DACH1: variants seen among roughly 807,000 people sequenced by gnomAD.
The protein encoded by DACH1 is dachshund family transcription factor 1, also known as dachshund homolog 1.
Under a neutral mutation model 54.2 loss-of-function variants are expected in DACH1, and 12 were observed. That is an observed-to-expected ratio of 0.22 (90% confidence interval 0.14 to 0.36). The LOEUF (loss-of-function observed/expected upper bound fraction) is 0.36. Among genes scored for constraint, DACH1 ranks in the 10% least tolerant of loss-of-function variants. DACH1 has a pLI of 1.00. For missense variants in DACH1, 805 were observed against 929.8 expected, an observed-to-expected ratio of 0.87 and a Z score of 1.75; for synonymous variants, 386 against 366.2, an observed-to-expected ratio of 1.05 and a Z score of -0.62.
chr13:71,654,463 A>G (rs9599870), intron 2 of DACH1, among the ~76,000 whole-genome samples: 1,348 of 71,366 alleles, frequency 0.019, 14 homozygotes, highest in African/African-American at 0.027. Context: ...ATAAAGTAAA[A>G]TAAAATAAAA....
chr13:71,690,980 TA>T (rs1255184755), intron 1 of DACH1, among the ~76,000 whole-genome samples: 1 of 152,294 alleles, frequency 6.6e-6, no homozygotes, highest in African/African-American at 2.4e-5. Flanking sequence ...TAATCACAAA[TA>T]AAAATGTTTT....
At chr13:71,675,104 G>T in intron 2 of DACH1, 1 of 1,575,930 alleles carries the variant, frequency 6.3e-7, no homozygotes, top group South Asian at 1.1e-5. Context: ...TCGACCGGTG[G>T]TAAAGCACCC....
At chr13:71,674,526 G>C (rs1880426453) in intron 2 of DACH1, among the ~76,000 whole-genome samples, 1 of 151,098 alleles carries the variant, frequency 6.6e-6, no homozygotes, top group Non-Finnish European at 1.5e-5. Context: ...GAGCCAGGCA[G>C]CCACAAAACC....
At chr13:71,772,758 A>T (rs1885911925) in intron 1 of DACH1, among the ~76,000 whole-genome samples, 1 of 151,770 alleles carries the variant, frequency 6.6e-6, no homozygotes, top group South Asian at 2.1e-4. Context: ...GAAAATTATC[A>T]TTTGAAAGGT....
intron 1 of DACH1, among the ~76,000 whole-genome samples, chr13:71,713,848 A>G (rs1320506718): frequency 6.6e-6 from 1 of 152,092 alleles, no homozygotes; most frequent in African/African-American, 2.4e-5. Context: ...AATTCAGAAA[A>G]ATTAGACAAA....
At chr13:71,753,268 C>T (rs533938595) in intron 1 of DACH1, among the ~76,000 whole-genome samples, 1 of 152,164 alleles carries the variant, frequency 6.6e-6, no homozygotes, top group East Asian at 1.9e-4. Flanking sequence ...CAATATGGTA[C>T]CATTTTACCA....
chr13:71,687,856 G>A (rs751412212), intron 1 of DACH1, among the ~76,000 whole-genome samples: 23 of 152,030 alleles, frequency 1.5e-4, no homozygotes, highest in African/African-American at 2.9e-4. Context: ...CTATCCACCC[G>A]CTTCAGCCTC....
At chr13:71,768,436 T>A (rs1885725662) in intron 1 of DACH1, among the ~76,000 whole-genome samples, 1 of 151,998 alleles carries the variant, frequency 6.6e-6, no homozygotes, top group African/African-American at 2.4e-5. Context: ...TTCTTTCCTC[T>A]CTGGCCTATG....
At chr13:71,750,797 T>G (rs1372118826) in intron 1 of DACH1, among the ~76,000 whole-genome samples, 1 of 152,150 alleles carries the variant, frequency 6.6e-6, no homozygotes, top group Non-Finnish European at 1.5e-5. Flanking sequence ...AACAGCAATA[T>G]GTAGTTCACA....
intron 1 of DACH1, among the ~76,000 whole-genome samples, chr13:71,834,720 C>T (rs1359518897): frequency 6.6e-6 from 1 of 151,888 alleles, no homozygotes; most frequent in East Asian, 1.9e-4. Flanking sequence ...AAATTGGTTT[C>T]GTTTTCCCAT....
rs187077245 is a variant in DACH1, at chr13:71,867,008, C to A, written c.-239G>T. 7.8e-6 allele frequency: 2 copies of A among 255,654 alleles called. No individual in the cohort carries two copies. The highest frequency in any genetic ancestry group is 1.8e-4 in the South Asian group (1 of 5,432). 15.8% of individuals were successfully genotyped at this position (255,654 alleles called of 1,614,324 possible). On this transcript the variant is annotated 5_prime_UTR_variant, in exon 1 of 11. Transcript: ENST00000613252. ...TGGAGAGGAACGCACAAAAGTGTCC[C>A]GCAAGTCGAAATGCGAGTCCTCTCC...
intron 2 of DACH1, among the ~76,000 whole-genome samples, chr13:71,658,941 G>A (rs921282491): frequency 5.3e-5 from 8 of 151,886 alleles, no homozygotes; most frequent in African/African-American, 1.9e-4. Flanking sequence ...GTTTTTCTTA[G>A]GAGAAAAATC....
chr13:71,675,219 T>C (rs1594083546), intron 2 of DACH1: 2 of 1,574,560 alleles, frequency 1.3e-6, no homozygotes, highest in Admixed American at 1.7e-5. Context: ...TCCGTGAAGT[T>C]AGACGTTATC....
rs774380487 is a variant in DACH1 at position 71,497,196 on chromosome 13, T to C, written c.1571-8048A>G. 4.3e-4 allele frequency among the ~76,000 whole-genome samples: 65 copies of C among 152,190 alleles called. 1 individual carries two copies. The highest frequency in any genetic ancestry group is 4.0e-4 in the Non-Finnish European group (27 of 68,036). ...GTGCTTTGTAAAATATAAAATACTA[T>C]ATTAATATAAAGTATGAATGGATGA... On this transcript the variant is annotated intron_variant, in intron 6 of 10. Coordinates refer to ENST00000613252, the MANE Select transcript of DACH1 (RefSeq NM_080759.6).
intron 1 of DACH1, among the ~76,000 whole-genome samples, chr13:71,810,679 C>G (rs1004777495): frequency 1.3e-5 from 2 of 152,090 alleles, no homozygotes; most frequent in African/African-American, 2.4e-5. Flanking sequence ...TCTTTTAGCA[C>G]AATGATATCT....
intron 1 of DACH1, among the ~76,000 whole-genome samples, chr13:71,819,801 A>T (rs1397063027): frequency 6.6e-6 from 1 of 152,204 alleles, no homozygotes; most frequent in Non-Finnish European, 1.5e-5. Flanking sequence ...GAATTCATGC[A>T]CAAATGAGGA....
intron 2 of DACH1, among the ~76,000 whole-genome samples, chr13:71,638,425 G>A (rs73215214): frequency 0.025 from 3,834 of 152,224 alleles, 81 homozygotes; most frequent in South Asian, 0.05. Flanking sequence ...GGATTCTCCA[G>A]CTGAAATGAA....
Position 71,475,048 on chromosome 13 carries a change from C to G in DACH1, c.2083+93G>C. 24 of 1,122,988 alleles carry G rather than the reference C, an allele frequency of 2.1e-5. No homozygotes were observed. In the South Asian group the frequency reaches 2.8e-4, roughly 13 times the overall value. The allele number at this position is 1,122,988 out of a possible 1,614,324, so 69.6% of individuals were successfully genotyped here. ...TGTTTGAACTTGTTTTGATGTGGCC[C>G]AGATGGTAGGCTACATGCTTGAATA... On this transcript the variant is annotated intron_variant, in intron 10 of 10. Coordinates refer to ENST00000613252, the MANE Select transcript of DACH1 (RefSeq NM_080759.6).
Position 71,624,719 on chromosome 13 carries a change from C to T in DACH1, c.1126+5837G>A, listed in dbSNP as rs1266777857. 5.3e-5 allele frequency among the ~76,000 whole-genome samples: 8 copies of T among 151,900 alleles called. No individual in the cohort carries two copies. The South Asian group carries it at 8.3e-4, about 16-fold the overall frequency. On this transcript the variant is annotated intron_variant, in intron 3 of 10. Transcript: ENST00000613252. ...TGGAGACATTTTTAGAGCAAGCTTGCTTTGGCTTTTTCACCCTCCGATTTG... is the reference window on the plus strand; with the variant it reads ...TGGAGACATTTTTAGAGCAAGCTTGTTTTGGCTTTTTCACCCTCCGATTTG...
Sources: gnomAD v4.1 joint callset for allele counts (sites outside exome capture counted in the v4.1 genomes callset) on GRCh38, gnomAD v4.1.1 for gene constraint, MANE v1.5 for transcripts, NCBI Gene and HGNC (gene_info 2026-07-23, HGNC 2026-07-21) for gene names.